LDLRAD4: variants seen among roughly 807,000 people sequenced by gnomAD.
The protein encoded by LDLRAD4 is low-density lipoprotein receptor class A domain-containing protein 4.
Under a neutral mutation model 17.0 loss-of-function variants are expected in LDLRAD4, and 5 were observed. The ratio of observed to expected loss-of-function variants is 0.29; its 90% CI spans 0.15 to 0.62. The LOEUF (loss-of-function observed/expected upper bound fraction) is 0.62. Ranked by LOEUF, LDLRAD4 falls within the 20% of genes least tolerant of loss-of-function variation. The probability of loss-of-function intolerance (pLI) is 0.84; values close to 1 mark genes in which losing one functional copy is unlikely to be tolerated. For synonymous variants in LDLRAD4, 168 were observed against 171.8 expected (o/e 0.98, Z 0.17); for missense variants, 340 against 424.7 (o/e 0.80, Z 1.75).
intron 4 of LDLRAD4, chr18:13,642,034 C>A (rs187972093): frequency 0.021 from 20,686 of 985,480 alleles, 221 homozygotes; most frequent in South Asian, 0.027. Flanking sequence ...GGCGCCGGAC[C>A]CCCGCCCTCG....
chr18:13,418,668 A>G (rs1452972700), intron 2 of LDLRAD4, among the ~76,000 whole-genome samples: 1 of 152,246 alleles, frequency 6.6e-6, no homozygotes, highest in Non-Finnish European at 1.5e-5. Flanking sequence ...AAAGTTTTGA[A>G]CAACAGCTGA....
chr18:13,414,835 C>T (rs1458375596), intron 2 of LDLRAD4, among the ~76,000 whole-genome samples: 2 of 152,224 alleles, frequency 1.3e-5, no homozygotes, highest in African/African-American at 2.4e-5. Context: ...GATTATCAGA[C>T]ACATCTGTAT....
Position 13,561,458 on chromosome 18 carries a change from G to A in LDLRAD4, c.182-59659G>A, listed in dbSNP as rs957513630. ...ACCATTTTTATATAGGAGTAAATGA[G>A]ATAATTAAGAGATATTTCAAGAAAG... On this transcript the variant is annotated intron_variant, in intron 3 of 5. Transcript: ENST00000359446. 37 of 152,140 alleles carry A rather than the reference G, an allele frequency of 2.4e-4. 1 individual carries two copies. The allele number at this position is 152,140 out of a possible 1,614,324, so 9.4% of individuals were successfully genotyped here. A position where few individuals can be genotyped will look rare whatever the true frequency, so the allele number is the denominator to read the frequency against.
intron 3 of LDLRAD4, among the ~76,000 whole-genome samples, chr18:13,464,604 A>G (rs2092552856): frequency 6.6e-6 from 1 of 152,206 alleles, no homozygotes; most frequent in Non-Finnish European, 1.5e-5. Flanking sequence ...TGCCACAGGG[A>G]ATAATTTGAG....
At chr18:13,570,720 C>G (rs1287242436) in intron 3 of LDLRAD4, among the ~76,000 whole-genome samples, 2 of 152,250 alleles carry the variant, frequency 1.3e-5, no homozygotes, top group Non-Finnish European at 2.9e-5. Context: ...CGAGCTCCAC[C>G]TTGGTGACAG....
intron 1 of LDLRAD4, among the ~76,000 whole-genome samples, chr18:13,326,722 A>G (rs1299645451): frequency 6.6e-6 from 1 of 151,254 alleles, no homozygotes; most frequent in Non-Finnish European, 1.5e-5. Context: ...TGCCTGGCTC[A>G]CCCTCTTGGC....
intron 1 of LDLRAD4, among the ~76,000 whole-genome samples, chr18:13,366,413 A>G (rs2084058075): frequency 6.6e-6 from 1 of 152,158 alleles, no homozygotes; most frequent in South Asian, 2.1e-4. Context: ...CCCAAAGACC[A>G]CTAACAGGAT....
chr18:13,577,695 C>T (rs1209027222), intron 3 of LDLRAD4, among the ~76,000 whole-genome samples: 1 of 152,140 alleles, frequency 6.6e-6, no homozygotes, highest in African/African-American at 2.4e-5. Context: ...ATAAATGGAA[C>T]CTTAATAAGG....
At chr18:13,294,298 T>C (rs1011954256) in intron 1 of LDLRAD4, among the ~76,000 whole-genome samples, 5 of 152,242 alleles carry the variant, frequency 3.3e-5, no homozygotes, top group African/African-American at 1.2e-4. Flanking sequence ...TGGCAGCACC[T>C]GAGGGCTGGG....
At chr18:13,348,699 T>A (rs1012621611) in intron 1 of LDLRAD4, among the ~76,000 whole-genome samples, 4 of 152,272 alleles carry the variant, frequency 2.6e-5, no homozygotes, top group African/African-American at 9.6e-5. Flanking sequence ...GCAGGCCTCC[T>A]TGAGCTGCGG....
chr18:13,237,738 A>T (rs1274257161), intron 1 of LDLRAD4, among the ~76,000 whole-genome samples: 1 of 151,816 alleles, frequency 6.6e-6, no homozygotes, highest in African/African-American at 2.4e-5. Context: ...CCCATGGAGA[A>T]CCCCCTTCAT....
chr18:13,573,506 C>T (rs2094721918), intron 3 of LDLRAD4, among the ~76,000 whole-genome samples: 1 of 152,258 alleles, frequency 6.6e-6, no homozygotes, highest in Admixed American at 6.5e-5. Flanking sequence ...TCCCAAAGTG[C>T]TGGGATTACA....
rs564996583 is a variant in LDLRAD4, at chr18:13,534,765, A to C, written c.182-86352A>C. ...AATTTTGGTAACGACATACAGTTGC[A>C]TAATCTACACCACAGTCACAGAACA... On this transcript the variant is annotated intron_variant, in intron 3 of 5. Coordinates refer to ENST00000359446, the Ensembl canonical transcript of LDLRAD4. Among the ~76,000 whole-genome samples, 27 of 152,150 alleles carry C rather than the reference A, an allele frequency of 1.8e-4. No homozygotes were observed. The South Asian group carries it at 5.0e-3, about 28-fold the overall frequency.
rs372814619 is a variant in LDLRAD4 at position 13,499,915 on chromosome 18, G to A, written c.181+61531G>A. On this transcript the variant is annotated intron_variant, in intron 3 of 5. Transcript: ENST00000359446. The stretch of plus-strand genomic sequence containing the variant: ...AGTATGCTGCTTGGGTCAAGCAGCC[G>A]CATCTCCACTGTCCTAATGACAAAA... 1.6e-4 allele frequency among the ~76,000 whole-genome samples: 24 copies of A among 152,262 alleles called. No individual in the cohort carries two copies. The East Asian group carries it at 2.1e-3, about 13-fold the overall frequency.
chr18:13,454,013 C>T (rs145992595), intron 3 of LDLRAD4, among the ~76,000 whole-genome samples: 158 of 152,378 alleles, frequency 1.0e-3, no homozygotes, highest in African/African-American at 3.7e-3. Context: ...GGGACAGAGC[C>T]GGAGGCTGCG....
At chr18:13,376,353 C>T (rs897037) in intron 1 of LDLRAD4, among the ~76,000 whole-genome samples, 23,355 of 152,216 alleles carry the variant, frequency 0.15, 2,194 homozygotes, top group East Asian at 0.26. Context: ...CAGGCTGGCG[C>T]GGCCCACGGT....
At chr18:13,477,079 GAATATTA>G (rs1474580985) in intron 3 of LDLRAD4, among the ~76,000 whole-genome samples, 1 of 152,166 alleles carries the variant, frequency 6.6e-6, no homozygotes, top group African/African-American at 2.4e-5. Context: ...TCATGGTAAT[GAATATTA>G]GTAATTTTGG....
chr18:13,495,634 T>G (rs2093452861), intron 3 of LDLRAD4, among the ~76,000 whole-genome samples: 1 of 152,180 alleles, frequency 6.6e-6, no homozygotes, highest in Non-Finnish European at 1.5e-5. Flanking sequence ...CCTTGAAGAA[T>G]TGGGTCAATA....
Position 13,416,540 on chromosome 18 carries a change from G to T in LDLRAD4, c.41-21704G>T, listed in dbSNP as rs544756539. Reference sequence around the variant, plus strand: ...AAACAGGCTTCAGCAGAGAACCACCGTTTGAATTATATGATGGCTTAAAGA... The same window carrying T: ...AAACAGGCTTCAGCAGAGAACCACCTTTTGAATTATATGATGGCTTAAAGA... On this transcript the variant is annotated intron_variant, in intron 2 of 5. Transcript: ENST00000359446. 1.2e-4 allele frequency among the ~76,000 whole-genome samples: 18 copies of T among 152,284 alleles called. No homozygotes were observed. The East Asian group carries it at 2.9e-3, about 25-fold the overall frequency.
Sources: allele counts gnomAD v4.1 joint callset (sites outside exome capture counted in the v4.1 genomes callset), GRCh38; gene constraint gnomAD v4.1.1; transcripts MANE v1.5; gene names NCBI Gene and HGNC (gene_info 2026-07-23, HGNC 2026-07-21).